JAK1: variants seen among roughly 807,000 people sequenced by gnomAD.
The protein encoded by JAK1 is Janus kinase 1.
In JAK1, 16 loss-of-function variants were observed where a neutral mutation model predicts 136.6. The ratio of observed to expected loss-of-function variants is 0.12; its 90% CI spans 0.08 to 0.18. The LOEUF is 0.18. Among genes scored for constraint, JAK1 ranks in the 10% least tolerant of loss-of-function variants. The pLI is 1.00. For synonymous variants in JAK1, 492 were observed against 519.5 expected, an observed-to-expected ratio of 0.95 and a Z score of 0.72; for missense variants, 859 against 1,450.1, an observed-to-expected ratio of 0.59 and a Z score of 6.62.
chr1:64,918,450 CCAGGTCCTTGGT>C, intron 1 of JAK1: 1 of 152,686 alleles, frequency 6.5e-6, no homozygotes, highest in South Asian at 2.1e-4. Context: ...ACATGCTCCA[CCAGGTCCTTGGT>C]CAGGCCAAGG....
At chr1:64,954,936 G>A (rs577370803) in intron 1 of JAK1, among the ~76,000 whole-genome samples, 1 of 152,132 alleles carries the variant, frequency 6.6e-6, no homozygotes, top group Non-Finnish European at 1.5e-5. Flanking sequence ...TTTTCTCTGA[G>A]GAGAGAGATC....
At chr1:65,029,555 A>C (rs1313813350) in intron 2 of JAK1, among the ~76,000 whole-genome samples, 1 of 152,256 alleles carries the variant, frequency 6.6e-6, no homozygotes, top group Non-Finnish European at 1.5e-5. Context: ...AAATACTTGG[A>C]ATCAACCTAA....
chr1:64,928,192 T>C (rs79908971), intron 1 of JAK1, among the ~76,000 whole-genome samples: 3,130 of 152,208 alleles, frequency 0.021, 119 homozygotes, highest in African/African-American at 0.072. Flanking sequence ...CTTATGATAA[T>C]ACAAAAACAG....
chr1:64,861,120 T>C (rs948190790), intron 8 of JAK1, among the ~76,000 whole-genome samples: 1 of 152,046 alleles, frequency 6.6e-6, no homozygotes, highest in Non-Finnish European at 1.5e-5. Flanking sequence ...GGGCAAAGCA[T>C]GCACCGTGAT....
chr1:64,857,915 GT>G, intron 9 of JAK1, 136 bp from the exon 10 acceptor site: 1 of 1,058,864 alleles, frequency 9.4e-7, no homozygotes, highest in Non-Finnish European at 1.4e-6. Context: ...GGATCCTAAA[GT>G]CCCCTCTGAT....
At chr1:64,990,945 G>T (rs200789182) in intron 2 of JAK1, 38 of 130,618 alleles carry the variant, frequency 2.9e-4, no homozygotes, top group African/African-American at 1.1e-3. Context: ...AAAAAGAAAA[G>T]AAGAAAAAAA....
rs539399101 is a variant in JAK1, at chr1:64,998,404, G to A, written c.-78+46076C>T. The stretch of plus-strand genomic sequence containing the variant: ...CGTCCAGAAAAATGTCTTTCATTGA[G>A]TACTACTTTATAGTTTACAAAAGGC... On this transcript the variant is annotated intron_variant, in intron 2 of 25. Coordinates refer to the JAK1 transcript ENST00000671954. 2.8e-4 allele frequency among the ~76,000 whole-genome samples: 42 copies of A among 152,246 alleles called. 1 individual carries two copies. The South Asian group carries it at 8.7e-3, about 32-fold the overall frequency.
At chr1:65,012,821 C>T (rs1391006262) in intron 2 of JAK1, among the ~76,000 whole-genome samples, 7 of 150,352 alleles carry the variant, frequency 4.7e-5, no homozygotes, top group Admixed American at 6.6e-5. Context: ...AGGCCAGGCA[C>T]GGTGGCTCAC....
intron 1 of JAK1, among the ~76,000 whole-genome samples, chr1:65,063,521 G>A (rs1234497894): frequency 6.6e-6 from 1 of 152,048 alleles, no homozygotes; most frequent in African/African-American, 2.4e-5. Context: ...TTAATCCATG[G>A]GGCTAGGCAC....
At chr1:64,941,898 G>C (rs1354771130) in intron 1 of JAK1, 1 of 152,186 alleles carries the variant, frequency 6.6e-6, no homozygotes, top group South Asian at 2.1e-4. Context: ...TTACACTACA[G>C]ATCCCCAGAG....
chr1:65,062,314 T>C (rs1358126561), intron 1 of JAK1, among the ~76,000 whole-genome samples: 1 of 152,246 alleles, frequency 6.6e-6, no homozygotes, highest in African/African-American at 2.4e-5. Context: ...TTAGATTTTA[T>C]GGTTTGCTCA....
At chr1:65,010,438 C>A (rs953753477) in intron 2 of JAK1, among the ~76,000 whole-genome samples, 1 of 152,164 alleles carries the variant, frequency 6.6e-6, no homozygotes, top group Non-Finnish European at 1.5e-5. Flanking sequence ...CAGCCAACAG[C>A]CAGCAAGAAA....
At chr1:64,982,928 G>A (rs1425300455) in intron 2 of JAK1, among the ~76,000 whole-genome samples, 3 of 152,130 alleles carry the variant, frequency 2.0e-5, no homozygotes, top group Non-Finnish European at 2.9e-5. Context: ...TGTTTGAGGA[G>A]CCAGAAGTAG....
chr1:64,896,795 T>C lies in JAK1; in HGVS notation c.-77-10454A>G, dbSNP rs528534683. Among the ~76,000 whole-genome samples, 10 of 151,952 alleles carry C rather than the reference T, an allele frequency of 6.6e-5. No homozygotes were observed. The East Asian group carries it at 1.9e-3, about 29-fold the overall frequency. On this transcript the variant is annotated intron_variant, in intron 1 of 24. Coordinates refer to ENST00000342505, the MANE Select transcript of JAK1 (RefSeq NM_002227.4). ...CTAAGAGTGGGGCTGGTGTAGTGAG[T>C]TTGATCGGATCCAGAGGACGGCAGG...
intron 11 of JAK1, among the ~76,000 whole-genome samples, chr1:64,851,498 A>G (rs1198443725): frequency 6.6e-6 from 1 of 152,232 alleles, no homozygotes; most frequent in Non-Finnish European, 1.5e-5. Context: ...GACCCATAAC[A>G]GTGCCCTGTC....
At chr1:64,941,602 G>A (rs1054781134) in intron 1 of JAK1, among the ~76,000 whole-genome samples, 1 of 152,172 alleles carries the variant, frequency 6.6e-6, no homozygotes, top group Non-Finnish European at 1.5e-5. Context: ...CAGAGAAACT[G>A]GGGATGGAAA....
intron 1 of JAK1, among the ~76,000 whole-genome samples, chr1:64,887,905 C>G (rs1221363748): frequency 6.6e-6 from 1 of 152,130 alleles, no homozygotes; most frequent in East Asian, 1.9e-4. Context: ...ACTTGGGCAC[C>G]CAACAGCACT....
At chr1:65,053,219 T>C (rs558630034) in intron 1 of JAK1, among the ~76,000 whole-genome samples, 27 of 151,010 alleles carry the variant, frequency 1.8e-4, no homozygotes, top group African/African-American at 4.6e-4. Flanking sequence ...TGGTGGCATA[T>C]GCCTGTAGTC....
intron 2 of JAK1, chr1:64,987,310 C>T (rs1416081029): frequency 1.3e-5 from 2 of 152,178 alleles, no homozygotes; most frequent in African/African-American, 2.4e-5. Flanking sequence ...AAGCAGTCAT[C>T]CTTGTATTTG....
Sources: allele counts gnomAD v4.1 joint callset (sites outside exome capture counted in the v4.1 genomes callset), GRCh38; gene constraint gnomAD v4.1.1; transcripts MANE v1.5; gene names NCBI Gene and HGNC (gene_info 2026-07-23, HGNC 2026-07-21).